TMPRSS9: variants seen among roughly 807,000 people sequenced by gnomAD.
TMPRSS9 encodes transmembrane serine protease 9.
TMPRSS9 carries 113 observed loss-of-function variants against 111.4 expected under a neutral mutation model. The observed-to-expected ratio is 1.01, with a 90% CI of 0.87 to 1.19. The LOEUF is 1.19. Among genes scored for constraint, TMPRSS9 ranks in the 50% most tolerant of loss-of-function variants. The pLI is 0.00. For synonymous variants in TMPRSS9, 805 were observed against 659.1 expected (o/e 1.22, Z -3.39); for missense variants, 1,803 against 1,513.1 (o/e 1.19, Z -3.18).
chr19:2,379,422 T>C (rs920143912), intron 1 of TMPRSS9, among the ~76,000 whole-genome samples: 2 of 151,956 alleles, frequency 1.3e-5, no homozygotes, highest in African/African-American at 4.8e-5. Flanking sequence ...CCTGACCTCG[T>C]GTTCTGCCCG....
chr19:2,413,646 G>A, intron 9 of TMPRSS9, 54 bp from the exon 11 acceptor site: 2 of 1,549,274 alleles, frequency 1.3e-6, no homozygotes, highest in South Asian at 1.2e-5. Context: ...CGTAGCACTG[G>A]TGTCTGGACT....
upstream of TMPRSS9, among the ~76,000 whole-genome samples, chr19:2,387,164 C>T (rs969062191): frequency 6.6e-6 from 1 of 152,100 alleles, no homozygotes; most frequent in East Asian, 1.9e-4. Flanking sequence ...CAAAACCAGC[C>T]TGGGCAACAT....
At chr19:2,426,107 G>T in exon 18 of TMPRSS9, 4 of 1,529,364 alleles carry the variant, frequency 2.6e-6, no homozygotes, top group Non-Finnish European at 3.5e-6. Flanking sequence ...TGACTGCCCA[G>T]GCCGAGACTC....
chr19:2,372,579 C>T (rs1970299449), intron 1 of TMPRSS9, among the ~76,000 whole-genome samples: 1 of 152,104 alleles, frequency 6.6e-6, no homozygotes, highest in African/African-American at 2.4e-5. Context: ...GTGTGAAGGA[C>T]CTTCCAGAAC....
chr19:2,395,101 C>T (rs892178933), intron 1 of TMPRSS9, among the ~76,000 whole-genome samples: 2 of 151,250 alleles, frequency 1.3e-5, no homozygotes, highest in African/African-American at 2.4e-5. Flanking sequence ...GCCAATGTGG[C>T]GAAACCCCAT....
chr19:2,425,206 G>T, exon 16 of TMPRSS9: 1 of 1,509,436 alleles, frequency 6.6e-7, no homozygotes, highest in Non-Finnish European at 8.8e-7. Context: ...CCGAGCCCGC[G>T]CCGCGACCCC....
At chr19:2,360,428 G>A (rs553442814) in intron 1 of TMPRSS9, among the ~76,000 whole-genome samples, 68 bp downstream of exon 1, 22 of 152,254 alleles carry the variant, frequency 1.4e-4, no homozygotes, top group Non-Finnish European at 2.2e-4. Context: ...AACCCCATTC[G>A]CCAAGCCCCG....
At chr19:2,418,329 CCCTTT>C (rs1568189441) in intron 13 of TMPRSS9, among the ~76,000 whole-genome samples, 191 bp downstream of exon 14, 1 of 34,612 alleles carries the variant, frequency 2.9e-5, no homozygotes, top group Non-Finnish European at 4.7e-5. Context: ...CTCCCTCCCT[CCCTTT>C]CCTTCCCTCC....
intron 1 of TMPRSS9, among the ~76,000 whole-genome samples, chr19:2,395,862 G>C: frequency 6.6e-6 from 1 of 151,998 alleles, no homozygotes; most frequent in Non-Finnish European, 1.5e-5. Flanking sequence ...AAAAAAATTA[G>C]CCACGCGTGG....
chr19:2,418,300 CCTCCCT>C (rs1971312846), intron 13 of TMPRSS9, among the ~76,000 whole-genome samples, 162 bp downstream of exon 14: 2 of 63,226 alleles, frequency 3.2e-5, no homozygotes, highest in African/African-American at 1.2e-4. Context: ...CCTTTCCTTC[CCTCCCT>C]TTCCCTCCCT....
intron 1 of TMPRSS9, among the ~76,000 whole-genome samples, chr19:2,376,226 A>C (rs1970332883): frequency 6.6e-6 from 1 of 152,064 alleles, no homozygotes; most frequent in African/African-American, 2.4e-5. Context: ...AGCGCAGCAC[A>C]GCCTCTTCCA....
chr19:2,376,346 C>T (rs1171320859), intron 1 of TMPRSS9, among the ~76,000 whole-genome samples: 1 of 152,200 alleles, frequency 6.6e-6, no homozygotes, highest in East Asian at 1.9e-4. Flanking sequence ...CACTCAGTCC[C>T]ACTTGCAGAG....
intron 1 of TMPRSS9, among the ~76,000 whole-genome samples, chr19:2,374,400 C>G (rs1464167787): frequency 6.6e-6 from 1 of 150,946 alleles, no homozygotes; most frequent in African/African-American, 2.4e-5. Flanking sequence ...TGGTGAAACC[C>G]CGTCTCTACT....
At chr19:2,414,513 C>T (rs937979914) in intron 10 of TMPRSS9, among the ~76,000 whole-genome samples, 2 of 152,048 alleles carry the variant, frequency 1.3e-5, no homozygotes, top group African/African-American at 4.8e-5. Flanking sequence ...GCTGGGATGA[C>T]AGGTGTGAGC....
chr19:2,402,031 C>A lies in TMPRSS9; in HGVS notation c.556+15C>A. 6.2e-7 allele frequency: 1 copy of A among 1,609,122 alleles called. No individual in the cohort carries two copies. ...CTTCAAATCAGGTATGTTTTTCTCT[C>A]TGGCCTTTTCTCTGATTGCAGTTAC... On this transcript the variant is annotated intron_variant, in intron 5 of 17. Coordinates refer to ENST00000648592, the Ensembl canonical transcript of TMPRSS9.
At chr19:2,407,127 T>C (rs62120711) in intron 7 of TMPRSS9, among the ~76,000 whole-genome samples, 10,389 of 151,962 alleles carry the variant, frequency 0.068, 509 homozygotes, top group East Asian at 0.26. Flanking sequence ...ATGGCTGAGA[T>C]TTTTGGCAAC....
intron 1 of TMPRSS9, chr19:2,396,263 T>C (rs1025082220): frequency 5.5e-5 from 19 of 345,098 alleles, no homozygotes; most frequent in Non-Finnish European, 8.9e-5. Flanking sequence ...CATCTGGGGC[T>C]CACTTGGCAC....
intron 13 of TMPRSS9, among the ~76,000 whole-genome samples, chr19:2,419,583 C>T (rs1971417968): frequency 6.6e-6 from 1 of 150,958 alleles, no homozygotes. Flanking sequence ...GTGGCGTGAT[C>T]TCGGCTCACT....
Position 2,389,816 on chromosome 19 carries a change from G to C in TMPRSS9, c.31G>C (p.Val11Leu), listed in dbSNP as rs185668001. 1.9e-6 allele frequency: 3 copies of C among 1,613,790 alleles called. No homozygotes were observed. Among genetic ancestry groups the C allele is most frequent in the Non-Finnish European group, 8.5e-7 (1 of 1,179,922 alleles). ...GCCCACTGTGGCTGACGTACACCTC[G>C]TGCCCAGGACAACCAAGGAAGTCCC... Residue 11 changes from valine (V) to leucine (L), a missense_variant, in exon 1 of 18, where the codon GTG (valine) becomes CTG (leucine). Physicochemically the swap from Val to Leu is conservative, Grantham distance 32 (BLOSUM62 1). Coordinates refer to ENST00000648592, the Ensembl canonical transcript of TMPRSS9.
Sources: gnomAD v4.1 joint callset for allele counts (sites outside exome capture counted in the v4.1 genomes callset) on GRCh38, gnomAD v4.1.1 for gene constraint, MANE v1.5 for transcripts, NCBI Gene and HGNC (gene_info 2026-07-23, HGNC 2026-07-21) for gene names.